The following PLCL1 variants were observed in gnomAD, a reference collection of about 807,000 sequenced individuals.
The protein encoded by PLCL1 is inactive phospholipase C-like protein 1.
In PLCL1, 41 loss-of-function variants were observed where a neutral mutation model predicts 84.4. That is an observed-to-expected ratio of 0.49 (90% CI 0.38 to 0.63). The LOEUF is 0.63. PLCL1 is among the 30% of genes least tolerant of loss of function. The pLI, the probability that PLCL1 is intolerant of heterozygous loss-of-function variation, is 0.00. For synonymous variants in PLCL1, 490 were observed against 488.3 expected, an observed-to-expected ratio of 1.00 and a Z score of -0.05; for missense variants, 1,206 against 1,367.8, an observed-to-expected ratio of 0.88 and a Z score of 1.87.
chr2:197,845,057 G>A (rs1005069011), intron 1 of PLCL1, among the ~76,000 whole-genome samples: 1 of 152,044 alleles, frequency 6.6e-6, no homozygotes, highest in African/African-American at 2.4e-5. Flanking sequence ...GTGTGTATAG[G>A]TTCTAGTAGA....
chr2:198,104,993 GTTTCT>G (rs1344057910), intron 5 of PLCL1, among the ~76,000 whole-genome samples: 3 of 152,076 alleles, frequency 2.0e-5, no homozygotes, highest in Middle Eastern at 3.4e-3. Context: ...TGTCTTGATA[GTTTCT>G]TTTGCTGTGC....
intron 1 of PLCL1, among the ~76,000 whole-genome samples, chr2:198,020,004 C>T (rs933098629): frequency 2.6e-5 from 4 of 152,148 alleles, no homozygotes; most frequent in Non-Finnish European, 5.9e-5. Context: ...TCGAGTTACC[C>T]ACAAAGGGAA....
chr2:198,111,232 G>A (rs567081737), intron 5 of PLCL1, among the ~76,000 whole-genome samples: 14 of 151,904 alleles, frequency 9.2e-5, no homozygotes, highest in African/African-American at 3.4e-4. Flanking sequence ...GGTAAGTAAT[G>A]GTCACTCAGG....
intron 5 of PLCL1, among the ~76,000 whole-genome samples, chr2:198,142,124 C>CCATTTT (rs1383516144): frequency 6.6e-6 from 1 of 152,008 alleles, no homozygotes; most frequent in African/African-American, 2.4e-5. Flanking sequence ...GTAGTCAAAA[C>CCATTTT]CATTTTCATT....
At chr2:197,959,834 A>G (rs1358009968) in intron 1 of PLCL1, among the ~76,000 whole-genome samples, 10 of 151,974 alleles carry the variant, frequency 6.6e-5, no homozygotes, top group Non-Finnish European at 1.5e-5. Context: ...GTGGCTTGCA[A>G]CCTCCCAAAT....
intron 5 of PLCL1, among the ~76,000 whole-genome samples, chr2:198,123,148 G>A (rs541142628): frequency 6.6e-5 from 10 of 152,174 alleles, no homozygotes; most frequent in African/African-American, 2.4e-4. Context: ...ATATATAAAA[G>A]CAGAGAGATA....
chr2:198,015,379 C>T (rs925623782), intron 1 of PLCL1, among the ~76,000 whole-genome samples: 2 of 152,096 alleles, frequency 1.3e-5, no homozygotes, highest in African/African-American at 2.4e-5. Flanking sequence ...TCATAAGGCA[C>T]ATTTTTTCCA....
At position 197,873,101 on chromosome 2, in the gene PLCL1, A is replaced by G. The variant is rs1687675840; in HGVS notation, c.240+67762A>G. Among the ~76,000 whole-genome samples, 2 of 152,192 alleles carry G rather than the reference A, an allele frequency of 1.3e-5. 1 individual carries two copies. Among genetic ancestry groups the G allele is most frequent in the South Asian group, 4.1e-4 (2 of 4,828 alleles). ...ACTCCACTGGCTTCAAAAGATTAAT[A>G]TAGGGAAGGTTTCTAAATTGCTCAT... On this transcript the variant is annotated intron_variant, in intron 1 of 5. Coordinates refer to ENST00000428675, the MANE Select transcript of PLCL1 (RefSeq NM_006226.4).
chr2:198,092,818 G>A (rs543735475), intron 3 of PLCL1, among the ~76,000 whole-genome samples: 9 of 152,174 alleles, frequency 5.9e-5, no homozygotes, highest in African/African-American at 1.2e-4. Flanking sequence ...TGTAAACTCC[G>A]TGAGGTTAGA....
At chr2:198,077,299 C>T (rs1033057473) in intron 1 of PLCL1, among the ~76,000 whole-genome samples, 5 of 151,664 alleles carry the variant, frequency 3.3e-5, no homozygotes, top group African/African-American at 7.3e-5. Context: ...CAAACCTGCA[C>T]GTTGTGCACA....
At chr2:197,830,204 G>A (rs1254740021) in intron 1 of PLCL1, among the ~76,000 whole-genome samples, 1 of 151,838 alleles carries the variant, frequency 6.6e-6, no homozygotes, top group Non-Finnish European at 1.5e-5. Flanking sequence ...TTCAGAAGGT[G>A]GGTAATAACA....
chr2:198,135,719 C>T (rs146821629), intron 5 of PLCL1, among the ~76,000 whole-genome samples: 2 of 152,170 alleles, frequency 1.3e-5, no homozygotes, highest in Admixed American at 1.3e-4. Flanking sequence ...AGAGCACCCC[C>T]GTAGGAACCT....
At chr2:198,124,532 G>T (rs1663865887) in intron 5 of PLCL1, among the ~76,000 whole-genome samples, 1 of 152,038 alleles carries the variant, frequency 6.6e-6, no homozygotes, top group Non-Finnish European at 1.5e-5. Flanking sequence ...GTTTCTTGGG[G>T]GTGGTTAGTC....
At chr2:198,121,539 C>T (rs796622534) in intron 5 of PLCL1, among the ~76,000 whole-genome samples, 15 of 152,146 alleles carry the variant, frequency 9.9e-5, no homozygotes, top group African/African-American at 3.6e-4. Flanking sequence ...ATCCAGTTTT[C>T]CCAGCACCAT....
At chr2:198,131,816 G>A (rs537508479) in intron 5 of PLCL1, among the ~76,000 whole-genome samples, 2 of 152,220 alleles carry the variant, frequency 1.3e-5, no homozygotes, top group East Asian at 3.9e-4. Flanking sequence ...AAAATAAAAC[G>A]GGACTCATTC....
At position 198,086,208 on chromosome 2, in the gene PLCL1, C is replaced by T. The variant is rs778246833; in HGVS notation, c.2691C>T (p.Ala897=). The stretch of plus-strand genomic sequence containing the variant: ...TAGCGGTTCATCCATTACGAGAAGC[C>T]ATAGATATGAGAGAAAATATGCAGG... ...FKIAVHPLRE[A]IDMRENMQNA... Residue 897 remains alanine, a synonymous_variant, in exon 2 of 6, where the codon GCC becomes GCT. Coordinates refer to ENST00000428675, the MANE Select transcript of PLCL1 (RefSeq NM_006226.4). The T allele has an allele frequency of 1.1e-5, 17 of 1,610,846 alleles. No homozygotes were observed. The highest frequency in any genetic ancestry group is 1.4e-5 in the Non-Finnish European group (17 of 1,177,834).
chr2:198,067,474 C>T (rs1692349192), intron 1 of PLCL1, among the ~76,000 whole-genome samples: 1 of 152,088 alleles, frequency 6.6e-6, no homozygotes, highest in Non-Finnish European at 1.5e-5. Context: ...TAATATAGCA[C>T]TGTTGGGAAG....
intron 5 of PLCL1, among the ~76,000 whole-genome samples, chr2:198,133,534 A>G (rs1416780667): frequency 6.6e-6 from 1 of 151,698 alleles, no homozygotes; most frequent in African/African-American, 2.4e-5. Flanking sequence ...AATAAAAAAA[A>G]AAAACTTCCA....
intron 1 of PLCL1, among the ~76,000 whole-genome samples, chr2:198,055,003 T>C (rs1248720961): frequency 6.6e-6 from 1 of 152,094 alleles, no homozygotes; most frequent in Non-Finnish European, 1.5e-5. Context: ...AAGGTGCACA[T>C]TATATGGCAT....
Sources: gnomAD v4.1 joint callset for allele counts (sites outside exome capture counted in the v4.1 genomes callset) on GRCh38, gnomAD v4.1.1 for gene constraint, MANE v1.5 for transcripts, NCBI Gene and HGNC (gene_info 2026-07-23, HGNC 2026-07-21) for gene names.